EPM2A: variants seen among roughly 807,000 people sequenced by gnomAD.
EPM2A encodes EPM2A glucan phosphatase, laforin.
In EPM2A, 21 loss-of-function variants were observed where a neutral mutation model predicts 26.5. The observed-to-expected ratio is 0.79, with a 90% CI of 0.56 to 1.14. The LOEUF is 1.14. Among genes scored for constraint, EPM2A ranks in the 50% most tolerant of loss-of-function variants. The pLI is 0.00. For missense variants in EPM2A, 458 were observed against 440.8 expected, an observed-to-expected ratio of 1.04 and a Z score of -0.35; for synonymous variants, 217 against 177.6, an observed-to-expected ratio of 1.22 and a Z score of -1.76.
intron 4 of EPM2A, among the ~76,000 whole-genome samples, chr6:145,460,399 A>G (rs1279033032): frequency 6.6e-6 from 1 of 152,172 alleles, no homozygotes; most frequent in Non-Finnish European, 1.5e-5. Flanking sequence ...CCAACTATAA[A>G]CTAAGAAGAA....
chr6:145,503,330 T>G (rs915392570), intron 2 of EPM2A, among the ~76,000 whole-genome samples: 1 of 147,560 alleles, frequency 6.8e-6, no homozygotes, highest in African/African-American at 2.5e-5. Context: ...ACATGATTGT[T>G]TATCTAGAAA....
intron 2 of EPM2A, among the ~76,000 whole-genome samples, chr6:145,541,957 T>G (rs1232105538): frequency 6.6e-6 from 1 of 151,580 alleles, no homozygotes; most frequent in East Asian, 1.9e-4. Flanking sequence ...CTTTTACATA[T>G]GAGGAGATGA....
chr6:145,732,236 T>TGTGTGTGTGTGTGTGTGC (rs374032616), intron 1 of EPM2A, among the ~76,000 whole-genome samples: 2 of 132,146 alleles, frequency 1.5e-5, no homozygotes, highest in East Asian at 4.3e-4. Flanking sequence ...TGTGTGTGTG[T>TGTGTGTGTGTGTGTGTGC]GCGCGCCAAA....
intron 2 of EPM2A, among the ~76,000 whole-genome samples, chr6:145,510,996 A>C (rs1780048085): frequency 6.6e-6 from 1 of 152,218 alleles, no homozygotes; most frequent in African/African-American, 2.4e-5. Flanking sequence ...AATCTAGAGA[A>C]AATGAATAAA....
chr6:145,685,111 T>C lies in EPM2A; in HGVS notation c.476+1011A>G, dbSNP rs142423540. Among the ~76,000 whole-genome samples the C allele has an allele frequency of 8.5e-5, 13 of 152,326 alleles. No individual in the cohort carries two copies. The East Asian group carries it at 2.3e-3, about 27-fold the overall frequency. ...TACAATAAATAACACTTACATAATA[T>C]TTTAAATGTTGGCAATTGCTTTCAA... On this transcript the variant is annotated intron_variant, in intron 2 of 3. Coordinates refer to ENST00000367519, the MANE Select transcript of EPM2A (RefSeq NM_005670.4).
At chr6:145,554,731 C>T (rs1780703859) in intron 2 of EPM2A, among the ~76,000 whole-genome samples, 1 of 152,000 alleles carries the variant, frequency 6.6e-6, no homozygotes, top group Non-Finnish European at 1.5e-5. Flanking sequence ...ATCATGCGGG[C>T]CTATCTGATC....
At chr6:145,439,720 T>C (rs973368481) in intron 4 of EPM2A, among the ~76,000 whole-genome samples, 6 of 152,168 alleles carry the variant, frequency 3.9e-5, no homozygotes, top group Non-Finnish European at 8.8e-5. Context: ...ATATTAGATA[T>C]ATTGTCAGAT....
At chr6:145,670,561 C>T (rs1779568372) in intron 2 of EPM2A, 2 of 152,018 alleles carry the variant, frequency 1.3e-5, no homozygotes, top group Non-Finnish European at 2.9e-5. Context: ...TGATTTATTT[C>T]TTCATACACT....
At chr6:145,678,983 A>G (rs766051674) in intron 2 of EPM2A, among the ~76,000 whole-genome samples, 48 of 152,222 alleles carry the variant, frequency 3.2e-4, no homozygotes, top group Non-Finnish European at 7.3e-5. Context: ...CACAGTAGCA[A>G]AGACTTGGAA....
chr6:145,601,246 A>G (rs1377251543), intron 2 of EPM2A, among the ~76,000 whole-genome samples: 3 of 152,198 alleles, frequency 2.0e-5, no homozygotes, highest in Non-Finnish European at 2.9e-5. Context: ...CTTTATCTAC[A>G]GACCTATGGT....
intron 4 of EPM2A, among the ~76,000 whole-genome samples, chr6:145,399,827 CG>C (rs1778458575): frequency 6.6e-6 from 1 of 152,126 alleles, no homozygotes; most frequent in African/African-American, 2.4e-5. Context: ...GAACTACAGA[CG>C]CCCTCAATAA....
chr6:145,635,514 C>T (rs1186686628), intron 2 of EPM2A, 28 bp from the exon 3 acceptor site: 1 of 1,612,200 alleles, frequency 6.2e-7, no homozygotes, highest in African/African-American at 1.3e-5. Flanking sequence ...AGACAACTAT[C>T]ACTAGTGTTG....
At chr6:145,678,950 C>T (rs1018678591) in intron 2 of EPM2A, among the ~76,000 whole-genome samples, 8 of 152,066 alleles carry the variant, frequency 5.3e-5, no homozygotes, top group South Asian at 4.1e-4. Context: ...CACATGCACA[C>T]GTATATTTAT....
chr6:145,478,060 C>T (rs374133450), intron 4 of EPM2A, among the ~76,000 whole-genome samples: 1 of 151,792 alleles, frequency 6.6e-6, no homozygotes, highest in Non-Finnish European at 1.5e-5. Flanking sequence ...ACTACTAGAA[C>T]AGATAAACAA....
At chr6:145,509,962 A>G (rs1433316582) in intron 2 of EPM2A, among the ~76,000 whole-genome samples, 2 of 152,160 alleles carry the variant, frequency 1.3e-5, no homozygotes, top group African/African-American at 4.8e-5. Context: ...TATACTTTAA[A>G]CCAAAAACAG....
chr6:145,700,371 T>G (rs1052714453), intron 1 of EPM2A, among the ~76,000 whole-genome samples: 2 of 152,120 alleles, frequency 1.3e-5, no homozygotes, highest in Non-Finnish European at 2.9e-5. Flanking sequence ...GGTAGTTCAT[T>G]TTTTTTCCTT....
intron 2 of EPM2A, among the ~76,000 whole-genome samples, chr6:145,667,476 C>T (rs981159151): frequency 1.0e-4 from 15 of 149,160 alleles, no homozygotes; most frequent in South Asian, 8.3e-4. Context: ...TATTATCTCA[C>T]ACCAGTTAGA....
chr6:145,551,216 A>T (rs1446971015), intron 2 of EPM2A, among the ~76,000 whole-genome samples: 1 of 152,100 alleles, frequency 6.6e-6, no homozygotes, highest in Non-Finnish European at 1.5e-5. Context: ...GAATCATTTT[A>T]AATGCACTGT....
intron 4 of EPM2A, chr6:145,491,162 T>A: frequency 1.9e-6 from 1 of 529,574 alleles, no homozygotes; most frequent in South Asian, 1.6e-5. Flanking sequence ...TCTTTGTTCC[T>A]GACTTCAAGG....
Sources: allele counts gnomAD v4.1 joint callset (sites outside exome capture counted in the v4.1 genomes callset), GRCh38; gene constraint gnomAD v4.1.1; transcripts MANE v1.5; gene names NCBI Gene and HGNC (gene_info 2026-07-23, HGNC 2026-07-21).